RNF4: variants seen among roughly 807,000 people sequenced by gnomAD.
RNF4 encodes E3 ubiquitin-protein ligase RNF4.
A neutral mutation model predicts 24.3 loss-of-function variants in RNF4; 7 were observed. The observed-to-expected ratio is 0.29, with a 90% CI of 0.16 to 0.54. The LOEUF (loss-of-function observed/expected upper bound fraction) is 0.54, where lower values mean the gene tolerates loss of function less well. Ranked by LOEUF, RNF4 falls within the 20% of genes least tolerant of loss-of-function variation. The pLI is 0.95. For missense variants in RNF4, 209 were observed against 248.5 expected (o/e 0.84, Z 1.07); for synonymous variants, 83 against 84.3 (o/e 0.98, Z 0.09).
intron 4 of RNF4, chr4:2,505,052 A>G (rs1437435397): frequency 1.3e-5 from 2 of 151,742 alleles, no homozygotes; most frequent in Non-Finnish European, 2.9e-5. Flanking sequence ...GCTTTTTTTT[A>G]TGCAACTTTC....
intron 1 of RNF4, among the ~76,000 whole-genome samples, chr4:2,484,662 G>C (rs968249435): frequency 1.3e-5 from 2 of 150,110 alleles, no homozygotes; most frequent in East Asian, 2.0e-4. Context: ...TAGCTTTATT[G>C]GGGGGGACCT....
chr4:2,513,640 T>G, intron 7 of RNF4, 30 bp from the exon 8 acceptor site: 1 of 1,611,508 alleles, frequency 6.2e-7, no homozygotes, highest in Non-Finnish European at 8.5e-7. Flanking sequence ...AAGGGCAAAC[T>G]CGGAGGCTCT....
rs1736389037 is a variant in RNF4 at position 2,515,490 on chromosome 4, A to G, written c.*1671A>G. 1 of 152,292 alleles carries G rather than the reference A, an allele frequency of 6.6e-6. No individual in the cohort carries two copies. Among genetic ancestry groups the G allele is most frequent in the Admixed American group, 6.5e-5 (1 of 15,268 alleles). 9.4% of individuals were successfully genotyped at this position (152,292 alleles called of 1,614,324 possible). The stretch of plus-strand genomic sequence containing the variant: ...TGCCATTAACTTTCTTCTGGGCATC[A>G]CGGCAATGTCACGATGCCCAGACTT... On this transcript the variant is annotated 3_prime_UTR_variant, in exon 8 of 8. Coordinates refer to ENST00000314289, the MANE Select transcript of RNF4 (RefSeq NM_002938.5).
intron 1 of RNF4, among the ~76,000 whole-genome samples, chr4:2,474,752 C>T (rs145497140): frequency 3.6e-3 from 540 of 151,968 alleles, no homozygotes; most frequent in African/African-American, 0.01. Flanking sequence ...TGGCCCAGTG[C>T]GGTGGCTCAC....
Position 2,513,858 on chromosome 4 carries a change from A to G in RNF4, c.*39A>G, listed in dbSNP as rs1490120958. ...CCCCAGGAGAGACGGATGGACAGAC[A>G]GACAGCCAGGTTCTCCAGTGGTATC... On this transcript the variant is annotated 3_prime_UTR_variant, in exon 8 of 8. Transcript: ENST00000314289. 1.2e-6 allele frequency: 2 copies of G among 1,612,306 alleles called. No individual in the cohort carries two copies. The highest frequency in any genetic ancestry group is 1.7e-5 in the Admixed American group (1 of 59,950).
rs1356604423 is a variant in RNF4, at chr4:2,514,865, C to T, written c.*1046C>T. On this transcript the variant is annotated 3_prime_UTR_variant, in exon 8 of 8. Transcript: ENST00000314289. ...CTTGGCTTTCTCATCCTTCCCAACCCAGTGCCGTTTATTTCAGAAGCTTCC... is the reference window on the plus strand; with the variant it reads ...CTTGGCTTTCTCATCCTTCCCAACCTAGTGCCGTTTATTTCAGAAGCTTCC... 2 of 152,686 alleles carry T rather than the reference C, an allele frequency of 1.3e-5. No individual in the cohort carries two copies. The highest frequency in any genetic ancestry group is 1.5e-5 in the Non-Finnish European group (1 of 68,106). The allele number at this position is 152,686 out of a possible 1,614,324, so 9.5% of individuals were successfully genotyped here. A position where few individuals can be genotyped will look rare whatever the true frequency, so the allele number is the denominator to read the frequency against.
chr4:2,471,308 T>C (rs1734902657), intron 1 of RNF4, among the ~76,000 whole-genome samples: 1 of 152,212 alleles, frequency 6.6e-6, no homozygotes, highest in Non-Finnish European at 1.5e-5. Context: ...TGACCTGTGA[T>C]CAATGTTTTG....
At chr4:2,507,904 G>A (rs948472500) in intron 4 of RNF4, among the ~76,000 whole-genome samples, 2 of 151,984 alleles carry the variant, frequency 1.3e-5, no homozygotes, top group South Asian at 2.1e-4. Flanking sequence ...GCCCAGGCTG[G>A]AAGGCAGGGG....
intron 1 of RNF4, among the ~76,000 whole-genome samples, chr4:2,478,053 T>C (rs896820891): frequency 5.9e-5 from 9 of 152,162 alleles, no homozygotes; most frequent in African/African-American, 2.2e-4. Context: ...GAGGAACTTG[T>C]TGGGAACTGG....
At chr4:2,478,495 G>T (rs928837731) in intron 1 of RNF4, among the ~76,000 whole-genome samples, 3 of 152,228 alleles carry the variant, frequency 2.0e-5, no homozygotes, top group Non-Finnish European at 4.4e-5. Flanking sequence ...CTGGGCCCAG[G>T]GTTCCCCTGC....
intron 1 of RNF4, among the ~76,000 whole-genome samples, chr4:2,482,760 A>G (rs920767456): frequency 3.3e-5 from 5 of 152,160 alleles, no homozygotes; most frequent in African/African-American, 9.7e-5. Context: ...CTTTGATCAA[A>G]TTCATTCCTC....
intron 1 of RNF4, among the ~76,000 whole-genome samples, chr4:2,475,533 T>G (rs2108749351): frequency 6.6e-6 from 1 of 152,006 alleles, no homozygotes; most frequent in African/African-American, 2.4e-5. Context: ...AGAGATAGGG[T>G]TTCACCGTGT....
In RNF4 at chr4:2,515,477, T is replaced by C. The variant is rs2108782626; in HGVS notation, c.*1658T>C. 1 of 152,498 alleles carries C rather than the reference T, an allele frequency of 6.6e-6. No homozygotes were observed. The highest frequency in any genetic ancestry group is 2.4e-5 in the African/African-American group (1 of 41,588). The allele number at this position is 152,498 out of a possible 1,614,324, so 9.4% of individuals were successfully genotyped here. A position where few individuals can be genotyped will look rare whatever the true frequency, so the allele number is the denominator to read the frequency against. ...GACTGGACATCATTGCCATTAACTTTCTTCTGGGCATCACGGCAATGTCAC... is the reference window on the plus strand; with the variant it reads ...GACTGGACATCATTGCCATTAACTTCCTTCTGGGCATCACGGCAATGTCAC... On this transcript the variant is annotated 3_prime_UTR_variant, in exon 8 of 8. Transcript: ENST00000314289.
At chr4:2,477,604 T>C in intron 1 of RNF4, among the ~76,000 whole-genome samples, 1 of 151,720 alleles carries the variant, frequency 6.6e-6, no homozygotes, top group East Asian at 2.0e-4. Flanking sequence ...AGAGATCTGA[T>C]GCTTTTATAA....
chr4:2,496,703 C>T (rs1296178678), intron 2 of RNF4, among the ~76,000 whole-genome samples: 2 of 152,170 alleles, frequency 1.3e-5, no homozygotes, highest in Non-Finnish European at 2.9e-5. Flanking sequence ...TCATGATTCG[C>T]CCACCTCAGC....
intron 4 of RNF4, among the ~76,000 whole-genome samples, chr4:2,510,832 A>G (rs945765699): frequency 5.9e-5 from 9 of 152,166 alleles, no homozygotes; most frequent in African/African-American, 2.2e-4. Context: ...GGTGGGAGGA[A>G]CCACGTTTGA....
In RNF4 at chr4:2,484,877, C is replaced by G. The variant is rs561704813; in HGVS notation, c.-157-5460C>G. 2.7e-4 allele frequency among the ~76,000 whole-genome samples: 41 copies of G among 152,254 alleles called. 2 individuals are homozygous for G. The South Asian group carries it at 8.5e-3, about 32-fold the overall frequency. ...CAGTCTGACTTGTTCAGTCTCCCAT[C>G]TGTTCTCACCAGACACAGGTGACAT... is the stretch of plus-strand genomic sequence containing the variant. On this transcript the variant is annotated intron_variant, in intron 1 of 7. Transcript: ENST00000314289.
chr4:2,509,918 C>G (rs1435005639), intron 4 of RNF4, among the ~76,000 whole-genome samples: 1 of 152,142 alleles, frequency 6.6e-6, no homozygotes, highest in African/African-American at 2.4e-5. Flanking sequence ...GCTTTTGCTC[C>G]CAGCTAAACC....
At chr4:2,492,955 A>G (rs567484322) in intron 2 of RNF4, among the ~76,000 whole-genome samples, 4 of 152,342 alleles carry the variant, frequency 2.6e-5, no homozygotes, top group Admixed American at 2.6e-4. Flanking sequence ...CGGTGTGGTT[A>G]TAGCTTATGT....
Sources: gnomAD v4.1 joint callset for allele counts (sites outside exome capture counted in the v4.1 genomes callset) on GRCh38, gnomAD v4.1.1 for gene constraint, MANE v1.5 for transcripts, NCBI Gene and HGNC (gene_info 2026-07-23, HGNC 2026-07-21) for gene names.